MTUS2: variants seen among roughly 807,000 people sequenced by gnomAD.
MTUS2 encodes the protein microtubule-associated tumor suppressor candidate 2.
MTUS2 carries 40 observed loss-of-function variants against 114.1 expected under a neutral mutation model. That is an observed-to-expected ratio of 0.35 (90% confidence interval 0.27 to 0.46). MTUS2 has a LOEUF of 0.46. Among genes scored for constraint, MTUS2 ranks in the 20% least tolerant of loss-of-function variants. The pLI, the probability that MTUS2 is intolerant of heterozygous loss-of-function variation, is 1.00. For synonymous variants in MTUS2, 688 were observed against 672.0 expected (o/e 1.02, Z -0.37); for missense variants, 1,679 against 1,705.4 (o/e 0.98, Z 0.27).
At chr13:29,163,257 T>C (rs973400918) in intron 5 of MTUS2, among the ~76,000 whole-genome samples, 15 of 152,200 alleles carry the variant, frequency 9.9e-5, no homozygotes, top group African/African-American at 3.6e-4. Flanking sequence ...TTTATGACAC[T>C]GTATTATAGT....
chr13:29,169,733 T>C (rs1400399123), intron 5 of MTUS2, among the ~76,000 whole-genome samples: 3 of 152,204 alleles, frequency 2.0e-5, no homozygotes, highest in African/African-American at 7.2e-5. Flanking sequence ...TGATGAGCGC[T>C]TAAGGATTTT....
At chr13:29,148,402 C>T (rs1892526014) in intron 5 of MTUS2, among the ~76,000 whole-genome samples, 1 of 151,582 alleles carries the variant, frequency 6.6e-6, no homozygotes. Context: ...TGTTGTTGCC[C>T]CCCCATGTGT....
At chr13:29,279,039 C>T (rs1228232723) in intron 5 of MTUS2, among the ~76,000 whole-genome samples, 1 of 152,156 alleles carries the variant, frequency 6.6e-6, no homozygotes, top group Non-Finnish European at 1.5e-5. Context: ...ACACATAGAG[C>T]ATACTATATA....
At chr13:28,936,112 T>C (rs7322751) in intron 2 of MTUS2, among the ~76,000 whole-genome samples, 5,478 of 152,234 alleles carry the variant, frequency 0.036, 314 homozygotes, top group African/African-American at 0.12. Context: ...ATTGAAATCA[T>C]GCCTCACCAT....
chr13:28,924,639 G>T (rs535755759), intron 2 of MTUS2, among the ~76,000 whole-genome samples: 1 of 152,324 alleles, frequency 6.6e-6, no homozygotes, highest in South Asian at 2.1e-4. Context: ...AGCTGGCACT[G>T]CCCTTTCCTC....
At chr13:29,426,824 G>T (rs1054232495) in intron 8 of MTUS2, among the ~76,000 whole-genome samples, 1 of 152,166 alleles carries the variant, frequency 6.6e-6, no homozygotes, top group African/African-American at 2.4e-5. Context: ...ACCACATTTT[G>T]TTTATCCATT....
chr13:28,903,231 C>T (rs1879753617), intron 2 of MTUS2, among the ~76,000 whole-genome samples: 2 of 151,940 alleles, frequency 1.3e-5, no homozygotes, highest in African/African-American at 4.8e-5. Flanking sequence ...AAATAATTTG[C>T]AGTTGACAGT....
chr13:29,419,973 C>T (rs1875955278), intron 8 of MTUS2, among the ~76,000 whole-genome samples: 2 of 152,154 alleles, frequency 1.3e-5, no homozygotes, highest in Admixed American at 6.5e-5. Context: ...TTGCATCTTC[C>T]CATAAACAGT....
chr13:29,034,192 A>T (rs1044451741), intron 4 of MTUS2, 67 bp downstream of exon 4: 1 of 1,595,044 alleles, frequency 6.3e-7, no homozygotes, highest in African/African-American at 1.3e-5. Flanking sequence ...TAAGATGGTG[A>T]TAATTGTCTA....
intron 2 of MTUS2, among the ~76,000 whole-genome samples, chr13:28,892,935 AT>A (rs375414384): frequency 7.2e-5 from 11 of 151,780 alleles, no homozygotes; most frequent in East Asian, 1.9e-4. Context: ...GGTGGGAATG[AT>A]TTTTTTTTAG....
chr13:29,161,618 A>G (rs544755920), intron 5 of MTUS2, among the ~76,000 whole-genome samples: 2 of 152,326 alleles, frequency 1.3e-5, no homozygotes, highest in African/African-American at 4.8e-5. Flanking sequence ...AAACTCTATG[A>G]AAGCATTGTC....
Position 29,025,712 on chromosome 13 carries a change from G to A in MTUS2, c.1014G>A (p.Glu338=), listed in dbSNP as rs750387083. The A allele has an allele frequency of 1.5e-5, 25 of 1,613,898 alleles. 1 individual carries two copies. In the Admixed American group the frequency reaches 2.7e-4, roughly 17 times the overall value. ...QEGYLGCHKE[E]NLSALEGRDP... ...GGTATCTGGGATGCCACAAGGAAGA[G>A]AATCTGTCAGCCTTGGAGGGAAGGG... The change falls in exon 3 of 16, where the codon GAG becomes GAA. Residue 338 remains glutamate (E), a synonymous_variant. Transcript: ENST00000612955.
chr13:29,363,940 G>A (rs1870487008), intron 8 of MTUS2, among the ~76,000 whole-genome samples: 1 of 152,142 alleles, frequency 6.6e-6, no homozygotes, highest in Non-Finnish European at 1.5e-5. Context: ...GATGCCTGGG[G>A]AAACTGAGGT....
intron 5 of MTUS2, chr13:29,240,253 A>G (rs917710370): frequency 1.3e-5 from 2 of 152,194 alleles, no homozygotes; most frequent in African/African-American, 4.8e-5. Context: ...CACTGTCTAA[A>G]TATGGTTACC....
intron 2 of MTUS2, among the ~76,000 whole-genome samples, chr13:28,889,260 A>T (rs958801052): frequency 6.6e-6 from 1 of 152,200 alleles, no homozygotes; most frequent in Non-Finnish European, 1.5e-5. Flanking sequence ...AGGGGAAAAA[A>T]AGTTGGAGGC....
chr13:28,963,546 G>A (rs1883435586), intron 2 of MTUS2, among the ~76,000 whole-genome samples: 1 of 152,176 alleles, frequency 6.6e-6, no homozygotes, highest in Non-Finnish European at 1.5e-5. Context: ...TATATATAGT[G>A]TATCTCTGTG....
intron 2 of MTUS2, among the ~76,000 whole-genome samples, chr13:28,876,207 G>A (rs1593263537): frequency 6.6e-6 from 1 of 152,194 alleles, no homozygotes; most frequent in South Asian, 2.1e-4. Flanking sequence ...TGTGGACACA[G>A]CATCACAGAG....
chr13:28,936,794 T>G (rs1431017306), intron 2 of MTUS2, among the ~76,000 whole-genome samples: 1 of 152,192 alleles, frequency 6.6e-6, no homozygotes, highest in Non-Finnish European at 1.5e-5. Context: ...GAAGAGATGG[T>G]GCCGAATGCT....
At chr13:29,084,288 T>G (rs570005507) in intron 4 of MTUS2, among the ~76,000 whole-genome samples, 4 of 152,212 alleles carry the variant, frequency 2.6e-5, no homozygotes, top group African/African-American at 9.6e-5. Context: ...ACTGTGGGCC[T>G]CTGTTTCACT....
Sources: gnomAD v4.1 joint callset for allele counts (sites outside exome capture counted in the v4.1 genomes callset) on GRCh38, gnomAD v4.1.1 for gene constraint, MANE v1.5 for transcripts, NCBI Gene and HGNC (gene_info 2026-07-23, HGNC 2026-07-21) for gene names.